Variants in BRD9 observed in about 807,000 individuals in gnomAD.
BRD9 encodes bromodomain-containing protein 9.
BRD9 carries 47 observed loss-of-function variants against 68.7 expected under a neutral mutation model. That is an observed-to-expected ratio of 0.68 (90% CI 0.54 to 0.87). BRD9 has a LOEUF of 0.87. BRD9 is among the 40% of genes least tolerant of loss of function. The pLI is 0.00. For synonymous variants in BRD9, 313 were observed against 293.9 expected (o/e 1.06, Z -0.67); for missense variants, 670 against 748.4 (o/e 0.90, Z 1.22).
At chr5:870,211 G>A (rs951051336) in intron 14 of BRD9, 1 of 399,950 alleles carries the variant, frequency 2.5e-6, no homozygotes, top group Non-Finnish European at 4.6e-6. Flanking sequence ...CACAGCCACT[G>A]GGGATCGGCC....
intron 3 of BRD9, 109 bp downstream of exon 3, chr5:891,046 C>A: frequency 7.4e-7 from 1 of 1,352,102 alleles, no homozygotes; most frequent in South Asian, 1.6e-5. Context: ...GAAATACCAG[C>A]TCTCCTCCCT....
chr5:865,620 A>G, intron 14 of BRD9, 39 bp from the exon 15 acceptor site: 2 of 1,553,882 alleles, frequency 1.3e-6, no homozygotes, highest in Non-Finnish European at 1.7e-6. Context: ...GGCTGAGCTC[A>G]GCCGGCCCGT....
At chr5:885,347 C>T (rs550287572) in intron 7 of BRD9, among the ~76,000 whole-genome samples, 73 of 152,346 alleles carry the variant, frequency 4.8e-4, no homozygotes, top group African/African-American at 1.7e-3. Flanking sequence ...ACCTGAGGGG[C>T]TGGTCTCAAG....
intron 7 of BRD9, among the ~76,000 whole-genome samples, chr5:884,362 T>C (rs1025483884): frequency 6.6e-6 from 1 of 152,206 alleles, no homozygotes; most frequent in Non-Finnish European, 1.5e-5. Context: ...AGCAACAAAG[T>C]AACAGATGCC....
chr5:870,263 C>A lies in BRD9; in HGVS notation c.1525+210G>T, dbSNP rs1194956337. 1.5e-5 allele frequency: 8 copies of A among 545,146 alleles called. No individual in the cohort carries two copies. In the South Asian group the frequency reaches 1.7e-4, roughly 12 times the overall value. The allele number at this position is 545,146 out of a possible 1,614,324, so 33.8% of individuals were successfully genotyped here. ...TTACCCAGGGGCTGCAACCACTTCT[C>A]ATTAGCTTAAAAAAGACACAACACT... On this transcript the variant is annotated intron_variant, in intron 14 of 15. Transcript: ENST00000467963.
At chr5:877,795 T>C (rs1230216130) in intron 11 of BRD9, among the ~76,000 whole-genome samples, 1 of 152,076 alleles carries the variant, frequency 6.6e-6, no homozygotes, top group African/African-American at 2.4e-5. Context: ...CCTTTAGAGG[T>C]AACTGCAGTG....
At chr5:881,431 C>G in intron 8 of BRD9, 1 of 561,454 alleles carries the variant, frequency 1.8e-6, no homozygotes, top group Non-Finnish European at 3.2e-6. Context: ...GAAACAAAAA[C>G]CTTCACCCAC....
intron 14 of BRD9, chr5:866,228 A>C (rs1413107742): frequency 6.6e-6 from 1 of 152,272 alleles, no homozygotes; most frequent in Non-Finnish European, 1.5e-5. Flanking sequence ...GCCACTTCTC[A>C]AACTCAGAAC....
At chr5:889,858 T>TAA in intron 3 of BRD9, 2 of 1,031,764 alleles carry the variant, frequency 1.9e-6, no homozygotes, top group South Asian at 2.7e-5. Flanking sequence ...GTCATAAAAA[T>TAA]CTCTTGTAAT....
chr5:881,034 A>G, intron 9 of BRD9, 73 bp downstream of exon 9: 2 of 1,495,660 alleles, frequency 1.3e-6, no homozygotes, highest in Non-Finnish European at 1.8e-6. Context: ...TCAGCTTTTC[A>G]TTACAGAATA....
intron 4 of BRD9, 47 bp downstream of exon 4, chr5:889,540 C>G: frequency 3.8e-6 from 6 of 1,598,608 alleles, no homozygotes; most frequent in Non-Finnish European, 5.1e-6. Flanking sequence ...GAAAAGATGA[C>G]ACCACACCCC....
chr5:887,796 C>T (rs1367288526), intron 5 of BRD9, among the ~76,000 whole-genome samples: 2 of 152,186 alleles, frequency 1.3e-5, no homozygotes, highest in African/African-American at 4.8e-5. Flanking sequence ...CGAGAAGCAA[C>T]GACCCGATTC....
At chr5:892,021 G>T in intron 1 of BRD9, 167 bp from the exon 2 acceptor site, 2 of 1,141,490 alleles carry the variant, frequency 1.8e-6, no homozygotes, top group Non-Finnish European at 2.4e-6. Flanking sequence ...GCATGTCACT[G>T]CCTCCTTGTT....
At chr5:873,630 GGAT>G (rs542281799) in intron 12 of BRD9, among the ~76,000 whole-genome samples, 97 of 152,346 alleles carry the variant, frequency 6.4e-4, no homozygotes, top group African/African-American at 2.3e-3. Flanking sequence ...GGGGAGGCCA[GGAT>G]TTATACATGA....
At chr5:882,426 TCCCAACACGTGAGCCAAGCAGACAACTG>T (rs1560916110) in intron 8 of BRD9, 4 of 135,852 alleles carry the variant, frequency 2.9e-5, no homozygotes, top group South Asian at 1.8e-4. Flanking sequence ...GACCACAACT[TCCCAACACGTGAGCCAAGCAGACAACTG>T]CCCAACACGT....
chr5:871,081 A>G (rs1750066352), intron 13 of BRD9, among the ~76,000 whole-genome samples: 1 of 152,140 alleles, frequency 6.6e-6, no homozygotes, highest in Non-Finnish European at 1.5e-5. Context: ...GGGACCCTGG[A>G]CCAAAGCCCA....
rs150229524 is a variant in BRD9 at position 890,062 on chromosome 5, G to A, written c.401-415C>T. 1,206 of 341,894 alleles carry A rather than the reference G, an allele frequency of 3.5e-3. 13 individuals carry two copies. Among genetic ancestry groups the A allele is most frequent in the African/African-American group, 0.024 (1,120 of 46,646 alleles). The allele number at this position is 341,894 out of a possible 1,614,324, so 21.2% of individuals were successfully genotyped here. On this transcript the variant is annotated intron_variant, in intron 3 of 15. Coordinates refer to ENST00000467963, the MANE Select transcript of BRD9 (RefSeq NM_023924.5). ...AAAGTAAATAAATGGCCGGCGTGGT[G>A]GTGCGTGCCTGTAGTCCCAGCAACT...
Position 881,505 on chromosome 5 carries a change from C to T in BRD9, c.967-323G>A, listed in dbSNP as rs371985713. ...TGGAACGGTCAGCAGGTCAGCATGG[C>T]ACTGCCCTGACGGCAGGCGGCTCCA... On this transcript the variant is annotated intron_variant, in intron 8 of 15. Transcript: ENST00000467963. 3.8e-5 allele frequency: 16 copies of T among 417,558 alleles called. No homozygotes were observed. The East Asian group carries it at 6.6e-4, about 17-fold the overall frequency. 25.9% of individuals were successfully genotyped at this position (417,558 alleles called of 1,614,324 possible). A position where few individuals can be genotyped will look rare whatever the true frequency, so the allele number is the denominator to read the frequency against.
At chr5:870,339 G>A in intron 14 of BRD9, 134 bp downstream of exon 14, 1 of 687,930 alleles carries the variant, frequency 1.5e-6, no homozygotes, top group South Asian at 1.8e-5. Context: ...CTGGGACAAA[G>A]ACCAAATACC....
Sources: allele counts gnomAD v4.1 joint callset (sites outside exome capture counted in the v4.1 genomes callset), GRCh38; gene constraint gnomAD v4.1.1; transcripts MANE v1.5; gene names NCBI Gene and HGNC (gene_info 2026-07-23, HGNC 2026-07-21).